Variants in MRC1 observed in about 807,000 individuals in gnomAD.
The protein encoded by MRC1 is macrophage mannose receptor 1.
MRC1 carries 62 observed loss-of-function variants against 102.9 expected under a neutral mutation model. That is an observed-to-expected ratio of 0.60 (90% confidence interval 0.49 to 0.74). The LOEUF (loss-of-function observed/expected upper bound fraction) is 0.74. Ranked by LOEUF, MRC1 falls within the 30% of genes least tolerant of loss-of-function variation. The pLI is 0.00. For synonymous variants in MRC1, 457 were observed against 298.4 expected (o/e 1.53, Z -5.48); for missense variants, 1,237 against 862.8 (o/e 1.43, Z -5.43).
chr10:17,858,025 A>G (rs1339334062), intron 9 of MRC1, among the ~76,000 whole-genome samples: 1 of 152,228 alleles, frequency 6.6e-6, no homozygotes, highest in African/African-American at 2.4e-5. Context: ...ATTATAAGAT[A>G]TACCACCAGG....
At chr10:17,828,678 T>G (rs1323508825) in intron 3 of MRC1, among the ~76,000 whole-genome samples, 1 of 151,550 alleles carries the variant, frequency 6.6e-6, no homozygotes, top group Non-Finnish European at 1.5e-5. Flanking sequence ...GCCATTTAGT[T>G]TCACACAGCT....
intron 6 of MRC1, 90 bp downstream of exon 6, chr10:17,845,525 C>A: frequency 1.3e-6 from 1 of 763,400 alleles, no homozygotes; most frequent in Non-Finnish European, 2.4e-6. Context: ...TGGAATGCCG[C>A]CAGAGGTTTT....
intron 24 of MRC1, among the ~76,000 whole-genome samples, chr10:17,900,420 T>C (rs1438175602): frequency 6.6e-6 from 1 of 152,116 alleles, no homozygotes; most frequent in East Asian, 1.9e-4. Flanking sequence ...ATTTTTATTA[T>C]AATTTCAATA....
intron 11 of MRC1, among the ~76,000 whole-genome samples, chr10:17,865,245 A>G (rs2130666882): frequency 6.6e-6 from 1 of 152,358 alleles, no homozygotes; most frequent in East Asian, 1.9e-4. Context: ...TCACCTTTCA[A>G]TAAGGGAAAT....
Position 17,845,444 on chromosome 10 carries a change from T to A in MRC1, c.1063+9T>A, listed in dbSNP as rs1235233890. On this transcript the variant is annotated intron_variant, in intron 6 of 29. Coordinates refer to ENST00000569591, the MANE Select transcript of MRC1 (RefSeq NM_002438.4). ...TTTTGTTATTCCCTCAGGTAAGTGA[T>A]CTATGGGATCTGAAGTGCCTCAACT... is the stretch of plus-strand genomic sequence containing the variant. 2 of 780,708 alleles carry A rather than the reference T, an allele frequency of 2.6e-6. No homozygotes were observed. The highest frequency in any genetic ancestry group is 3.4e-5 in the African/African-American group (2 of 59,128). 48.4% of individuals were successfully genotyped at this position (780,708 alleles called of 1,614,324 possible).
At chr10:17,810,779 G>A (rs1256893176) in intron 1 of MRC1, among the ~76,000 whole-genome samples, 1 of 152,156 alleles carries the variant, frequency 6.6e-6, no homozygotes, top group Non-Finnish European at 1.5e-5. Flanking sequence ...CAAATAAAAA[G>A]GATAGATGAA....
At chr10:17,882,221 G>T (rs1285850020) in intron 21 of MRC1, among the ~76,000 whole-genome samples, 1 of 152,142 alleles carries the variant, frequency 6.6e-6, no homozygotes, top group Non-Finnish European at 1.5e-5. Flanking sequence ...ATCACTGCAA[G>T]TGAGTCAGGG....
chr10:17,904,239 C>A (rs1031509566), intron 26 of MRC1, among the ~76,000 whole-genome samples: 1 of 152,050 alleles, frequency 6.6e-6, no homozygotes, highest in Admixed American at 6.6e-5. Flanking sequence ...CTCTTTATTT[C>A]TTTGTGTGGG....
intron 26 of MRC1, among the ~76,000 whole-genome samples, chr10:17,903,366 ATTTTCT>A (rs1833853593): frequency 1.1e-5 from 1 of 90,802 alleles, no homozygotes; most frequent in South Asian, 3.5e-4. Context: ...CATCATTTTA[ATTTTCT>A]TTTTCTTTTC....
At chr10:17,910,050 C>G (rs1013204162) in intron 29 of MRC1, among the ~76,000 whole-genome samples, 165 bp from the exon 30 acceptor site, 1 of 152,150 alleles carries the variant, frequency 6.6e-6, no homozygotes, top group Non-Finnish European at 1.5e-5. Context: ...CTGAATAATC[C>G]TCTATACCAC....
rs978777365 is a variant in MRC1 at position 17,829,375 on chromosome 10, G to A, written c.637+1660G>A. The stretch of plus-strand genomic sequence containing the variant: ...CACACTAAAAGTAAATTTAATTTCT[G>A]AGCCCCATATACTATTGTAATTGTC... On this transcript the variant is annotated intron_variant, in intron 3 of 29. Transcript: ENST00000569591. 7.6e-3 allele frequency among the ~76,000 whole-genome samples: 1,144 copies of A among 151,374 alleles called. 11 individuals carry two copies. The highest frequency in any genetic ancestry group is 0.011 in the Non-Finnish European group (715 of 68,008).
At chr10:17,877,995 T>C in intron 18 of MRC1, 28 bp downstream of exon 18, 1 of 871,614 alleles carries the variant, frequency 1.1e-6, no homozygotes, top group Non-Finnish European at 2.0e-6. Flanking sequence ...AAAACAACTT[T>C]GCTTGGGTTA....
chr10:17,873,808 C>G lies in MRC1; in HGVS notation c.2369C>G (p.Thr790Arg). Reference sequence around the variant, plus strand: ...GGACAAACACCAAAACCTGAGCCAACACCAGCTCCTCAAGACAGTAGGTGT... The same window carrying G: ...GGACAAACACCAAAACCTGAGCCAAGACCAGCTCCTCAAGACAGTAGGTGT... ...QKGQTPKPEP[T>R]PAPQDNPPVT... The change falls in exon 16 of 30, where the codon ACA becomes AGA. Residue 790 changes from threonine (T) to arginine (R), a missense_variant. By Grantham distance (71) the Thr-to-Arg change is moderately conservative. Transcript: ENST00000569591. 1 of 872,630 alleles carries G rather than the reference C, an allele frequency of 1.1e-6. No homozygotes were observed. Among genetic ancestry groups the G allele is most frequent in the Non-Finnish European group, 2.0e-6 (1 of 501,394 alleles). The allele number at this position is 872,630 out of a possible 1,614,324, so 54.1% of individuals were successfully genotyped here.
At position 17,890,183 on chromosome 10, in the gene MRC1, A is replaced by G. The variant is rs1833653188; in HGVS notation, c.3148-4027A>G. Among the ~76,000 whole-genome samples, 5 of 152,290 alleles carry G rather than the reference A, an allele frequency of 3.3e-5. No homozygotes were observed. The South Asian group carries it at 1.0e-3, about 32-fold the overall frequency. ...TGCGTGGTTTCTGAAAAGAAATCCA[A>G]CGTAATTACTATTCTTGCTTCTTTA... On this transcript the variant is annotated intron_variant, in intron 22 of 29. Coordinates refer to ENST00000569591, the MANE Select transcript of MRC1 (RefSeq NM_002438.4).
chr10:17,835,074 C>G (rs1185868783), intron 4 of MRC1, among the ~76,000 whole-genome samples: 6 of 152,170 alleles, frequency 3.9e-5, no homozygotes, highest in African/African-American at 1.2e-4. Context: ...CCCGGTCTTG[C>G]ATTTTGCGGT....
At chr10:17,890,321 C>G (rs1833654869) in intron 22 of MRC1, among the ~76,000 whole-genome samples, 1 of 151,966 alleles carries the variant, frequency 6.6e-6, no homozygotes, top group African/African-American at 2.4e-5. Context: ...TTTATCCTGT[C>G]TGATGTTCTC....
Position 17,823,483 on chromosome 10 carries a change from G to A in MRC1, c.463+8G>A. On this transcript the variant is annotated splice_region_variant and intron_variant, in intron 2 of 29. Coordinates refer to ENST00000569591, the MANE Select transcript of MRC1 (RefSeq NM_002438.4). ...GCTCCAGAGGTTATGAAGGTAAGAT[G>A]CCTGGAATTTTCACCTTCGTGTTGA... The A allele has an allele frequency of 2.6e-6, 2 of 780,524 alleles. No individual in the cohort carries two copies. Among genetic ancestry groups the A allele is most frequent in the Non-Finnish European group, 4.8e-6 (2 of 417,908 alleles). The allele number at this position is 780,524 out of a possible 1,614,324, so 48.3% of individuals were successfully genotyped here.
chr10:17,901,932 C>A, intron 25 of MRC1, 41 bp from the exon 26 acceptor site: 1 of 780,724 alleles, frequency 1.3e-6, no homozygotes, highest in Non-Finnish European at 2.4e-6. Context: ...ACTACAGAAA[C>A]TTCAGGTTTT....
In MRC1 at chr10:17,875,326, G is replaced by T. The variant is rs1324207248; in HGVS notation, c.2550+73G>T. 8 of 766,552 alleles carry T rather than the reference G, an allele frequency of 1.0e-5. 1 individual carries two copies. Among genetic ancestry groups the T allele is most frequent in the Middle Eastern group, 2.4e-4 (1 of 4,180 alleles). 47.5% of individuals were successfully genotyped at this position (766,552 alleles called of 1,614,324 possible). On this transcript the variant is annotated intron_variant, in intron 17 of 29. Coordinates refer to ENST00000569591, the MANE Select transcript of MRC1 (RefSeq NM_002438.4). ...AGGTGTTGTTTGGTTGTATGGAAAA[G>T]TTCTTTAGTGGTGATTTCTGAGATT...
Sources: allele counts gnomAD v4.1 joint callset (sites outside exome capture counted in the v4.1 genomes callset), GRCh38; gene constraint gnomAD v4.1.1; transcripts MANE v1.5; gene names NCBI Gene and HGNC (gene_info 2026-07-23, HGNC 2026-07-21).